MAP3K7CL: variants seen among roughly 807,000 people sequenced by gnomAD.
MAP3K7CL encodes MAP3K7 C-terminal like.
A neutral mutation model predicts 18.6 loss-of-function variants in MAP3K7CL; 16 were observed. The observed-to-expected ratio is 0.86, with a 90% CI of 0.58 to 1.31. MAP3K7CL has a LOEUF of 1.31. Ranked by LOEUF, MAP3K7CL falls within the 50% of genes most tolerant of loss-of-function variation. The pLI is 0.00. For synonymous variants in MAP3K7CL, 65 were observed against 66.8 expected (o/e 0.97, Z 0.13); for missense variants, 163 against 174.4 (o/e 0.93, Z 0.37).
chr21:29,100,126 A>T (rs1410151683), intron 4 of MAP3K7CL, among the ~76,000 whole-genome samples: 1 of 145,052 alleles, frequency 6.9e-6, no homozygotes, highest in East Asian at 2.0e-4. Context: ...TCCTCCTCCC[A>T]CCTTTGTCCT....
In MAP3K7CL at chr21:29,174,805, T is replaced by C. The variant is rs1404569902; in HGVS notation, c.342T>C (p.Asn114=). The C allele has an allele frequency of 1.9e-6, 3 of 1,614,062 alleles. No individual in the cohort carries two copies. Among genetic ancestry groups the C allele is most frequent in the Admixed American group, 3.3e-5 (2 of 60,006 alleles). Residue 114 remains asparagine (N), a synonymous_variant, in exon 5 of 5, where the codon AAT becomes AAC. Transcript: ENST00000399928. The stretch of plus-strand genomic sequence containing the variant: ...AATTCGAGGCTCTGACGGAGGAGAA[T>C]CGGACGTTGAGGTTGGCCCAGTCTC... ...VREFEALTEE[N]RTLRLAQSQC...
intron 4 of MAP3K7CL, among the ~76,000 whole-genome samples, chr21:29,122,934 T>C (rs2086619942): frequency 1.3e-5 from 2 of 152,214 alleles, no homozygotes; most frequent in African/African-American, 4.8e-5. Context: ...ATAAAATTGG[T>C]TGATAAGAAC....
chr21:29,101,869 GACTT>G (rs943367115), intron 4 of MAP3K7CL, among the ~76,000 whole-genome samples: 2 of 152,108 alleles, frequency 1.3e-5, no homozygotes, highest in Admixed American at 6.5e-5. Flanking sequence ...AACTAATAGT[GACTT>G]ACTTTCATTC....
In MAP3K7CL at chr21:29,175,139, T is replaced by C. The variant is rs1327322542; in HGVS notation, c.*247T>C. On this transcript the variant is annotated 3_prime_UTR_variant, in exon 5 of 5. Transcript: ENST00000399928. The stretch of plus-strand genomic sequence containing the variant: ...AGATCAGAATTCTTTTCCAAAGATA[T>C]ATGTTTTTTTCTTTTTTAGGAAGAT... The C allele has an allele frequency of 2.0e-5, 7 of 345,010 alleles. No individual in the cohort carries two copies. Among genetic ancestry groups the C allele is most frequent in the Admixed American group, 1.3e-4 (3 of 22,328 alleles). 21.4% of individuals were successfully genotyped at this position (345,010 alleles called of 1,614,324 possible). A position where few individuals can be genotyped will look rare whatever the true frequency, so the allele number is the denominator to read the frequency against.
chr21:29,109,245 T>C, intron 4 of MAP3K7CL: 1 of 1,534,980 alleles, frequency 6.5e-7, no homozygotes, highest in South Asian at 1.2e-5. Context: ...AAGAAGAAAT[T>C]CCATATATAC....
intron 2 of MAP3K7CL, among the ~76,000 whole-genome samples, chr21:29,146,329 G>A (rs901639994): frequency 4.6e-5 from 7 of 152,130 alleles, no homozygotes; most frequent in East Asian, 1.9e-4. Flanking sequence ...TAAAATGGTC[G>A]TGATGTCTAG....
At chr21:29,097,212 T>C (rs2086138894) in intron 4 of MAP3K7CL, among the ~76,000 whole-genome samples, 1 of 152,022 alleles carries the variant, frequency 6.6e-6, no homozygotes, top group African/African-American at 2.4e-5. Context: ...ACTCAGAGTA[T>C]CTAGTAGGAA....
intron 1 of MAP3K7CL, among the ~76,000 whole-genome samples, chr21:29,079,452 C>T (rs2085800538): frequency 6.6e-6 from 1 of 152,236 alleles, no homozygotes; most frequent in Admixed American, 6.5e-5. Context: ...CTCTCAGCTT[C>T]CCCATACTGT....
At chr21:29,144,550 A>G (rs1180190740) in intron 2 of MAP3K7CL, among the ~76,000 whole-genome samples, 2 of 151,964 alleles carry the variant, frequency 1.3e-5, no homozygotes, top group Admixed American at 1.3e-4. Flanking sequence ...GCGGAGTGGT[A>G]TGGTGGAAAG....
chr21:29,121,269 G>T (rs1244147004), intron 4 of MAP3K7CL, among the ~76,000 whole-genome samples: 2 of 151,870 alleles, frequency 1.3e-5, no homozygotes, highest in Non-Finnish European at 2.9e-5. Flanking sequence ...GGACATAAAT[G>T]TAGGCAGCTG....
chr21:29,129,644 C>T (rs1450641134), upstream of MAP3K7CL, among the ~76,000 whole-genome samples: 1 of 152,172 alleles, frequency 6.6e-6, no homozygotes, highest in Non-Finnish European at 1.5e-5. Context: ...CATCTGTATG[C>T]AGGCTTTTGG....
upstream of MAP3K7CL, among the ~76,000 whole-genome samples, chr21:29,128,885 AAAT>A (rs1299213600): frequency 6.9e-6 from 1 of 145,560 alleles, no homozygotes; most frequent in Non-Finnish European, 1.5e-5. Flanking sequence ...TATAACCATA[AAAT>A]AATATTAAAA....
intron 4 of MAP3K7CL, among the ~76,000 whole-genome samples, chr21:29,099,439 G>A (rs1188458636): frequency 1.3e-5 from 2 of 151,764 alleles, no homozygotes; most frequent in Admixed American, 1.3e-4. Context: ...TAAAGGAGTT[G>A]AAAGATTCAA....
exon 4 of MAP3K7CL, chr21:29,092,546 T>C (rs768082430): frequency 4.3e-6 from 7 of 1,614,106 alleles, no homozygotes; most frequent in African/African-American, 2.7e-5. Context: ...CCAAAGTCTA[T>C]TACTGTGCCC....
chr21:29,174,440 T>C (rs181459987), intron 4 of MAP3K7CL, among the ~76,000 whole-genome samples: 1 of 152,354 alleles, frequency 6.6e-6, no homozygotes, highest in African/African-American at 2.4e-5. Context: ...TTTTCTGTAT[T>C]TTTAAAATGA....
At chr21:29,109,912 G>T in intron 4 of MAP3K7CL, 1 of 458,636 alleles carries the variant, frequency 2.2e-6, no homozygotes, top group Non-Finnish European at 2.9e-6. Context: ...TCTCCAAGAA[G>T]ACATTAATCT....
Position 29,169,161 on chromosome 21 carries a change from C to A in MAP3K7CL, c.249-5551C>A, listed in dbSNP as rs970777092. On this transcript the variant is annotated intron_variant, in intron 4 of 4. Coordinates refer to ENST00000399928, the MANE Select transcript of MAP3K7CL (RefSeq NM_001286620.2). ...ACGCCAATGTATAGACAGTGCCCAACGACAAAGAATTGCCTGGCCCACAAT... is the reference window on the plus strand; with the variant it reads ...ACGCCAATGTATAGACAGTGCCCAAAGACAAAGAATTGCCTGGCCCACAAT... Among the ~76,000 whole-genome samples the A allele has an allele frequency of 2.6e-5, 4 of 152,196 alleles. No individual in the cohort carries two copies. The East Asian group carries it at 7.7e-4, about 29-fold the overall frequency.
At chr21:29,124,001 T>A (rs567902282) in intron 4 of MAP3K7CL, among the ~76,000 whole-genome samples, 83 of 152,248 alleles carry the variant, frequency 5.5e-4, no homozygotes, top group South Asian at 1.7e-3. Context: ...TCTCATACAG[T>A]CAAAAATATT....
At chr21:29,091,720 C>A (rs1386911123) in exon 3 of MAP3K7CL, 2 of 702,472 alleles carry the variant, frequency 2.8e-6, no homozygotes, top group East Asian at 2.7e-5. Flanking sequence ...TGGCTTCAAG[C>A]AGTCCTCCTG....
Sources: gnomAD v4.1 joint callset for allele counts (sites outside exome capture counted in the v4.1 genomes callset) on GRCh38, gnomAD v4.1.1 for gene constraint, MANE v1.5 for transcripts, NCBI Gene and HGNC (gene_info 2026-07-23, HGNC 2026-07-21) for gene names.